TNFRSF10B: variants seen among roughly 807,000 people sequenced by gnomAD.
The protein encoded by TNFRSF10B is TNF receptor superfamily member 10b.
In TNFRSF10B, 35 loss-of-function variants were observed where a neutral mutation model predicts 41.4. The ratio of observed to expected loss-of-function variants is 0.85; its 90% CI spans 0.65 to 1.12. TNFRSF10B has a LOEUF of 1.12. Ranked by LOEUF, TNFRSF10B falls within the 50% of genes most tolerant of loss-of-function variation. TNFRSF10B has a pLI of 0.00. For synonymous variants in TNFRSF10B, 230 were observed against 215.5 expected, an observed-to-expected ratio of 1.07 and a Z score of -0.59; for missense variants, 584 against 552.7, an observed-to-expected ratio of 1.06 and a Z score of -0.57.
intron 1 of TNFRSF10B, among the ~76,000 whole-genome samples, chr8:23,067,738 C>G (rs906388045): frequency 6.6e-6 from 1 of 152,174 alleles, no homozygotes; most frequent in Non-Finnish European, 1.5e-5. Flanking sequence ...CCATGAAACT[C>G]CAATGCTTCA....
chr8:23,027,131 A>C lies in TNFRSF10B; in HGVS notation c.936+2T>G. ...AAACAAAATGATCTGTCCCCCACTC[A>C]CCAGCAGATGCTCTGACTCCCCGGG... On this transcript the variant is annotated splice_donor_variant, in intron 7 of 8. Transcript: ENST00000276431. LOFTEE classifies it high-confidence loss of function. 6.2e-7 allele frequency: 1 copy of C among 1,613,844 alleles called. No homozygotes were observed. Among genetic ancestry groups the C allele is most frequent in the South Asian group, 1.1e-5 (1 of 91,056 alleles).
chr8:23,053,150 G>A (rs943331989), intron 1 of TNFRSF10B, among the ~76,000 whole-genome samples: 13 of 152,186 alleles, frequency 8.5e-5, no homozygotes, highest in Non-Finnish European at 1.5e-4. Context: ...ACTCTTAGCT[G>A]TACAACTTGC....
At chr8:23,038,298 G>C (rs948267095) in intron 2 of TNFRSF10B, among the ~76,000 whole-genome samples, 2 of 152,170 alleles carry the variant, frequency 1.3e-5, no homozygotes, top group Non-Finnish European at 2.9e-5. Context: ...ATAAAGGTTA[G>C]TTCACTCTAC....
chr8:23,056,169 A>G (rs922591258), intron 1 of TNFRSF10B, among the ~76,000 whole-genome samples: 1 of 152,180 alleles, frequency 6.6e-6, no homozygotes, highest in Non-Finnish European at 1.5e-5. Flanking sequence ...GTATGTATCC[A>G]AAAGAACTGA....
At chr8:23,031,561 G>A (rs188955347) in intron 2 of TNFRSF10B, among the ~76,000 whole-genome samples, 1 of 151,732 alleles carries the variant, frequency 6.6e-6, no homozygotes, top group Non-Finnish European at 1.5e-5. Context: ...TTAATTTTTA[G>A]TGTACTTTTT....
In TNFRSF10B at chr8:23,021,330, T is replaced by G; in HGVS notation, c.*1341A>C. On this transcript the variant is annotated 3_prime_UTR_variant, in exon 9 of 9. Transcript: ENST00000276431. ...GCGGCCAAGGTCCTCAAGTAGGCAATCTGTACCCTAAAAGGCAGCTCATGG... is the reference window on the plus strand; with the variant it reads ...GCGGCCAAGGTCCTCAAGTAGGCAAGCTGTACCCTAAAAGGCAGCTCATGG... 2.2e-6 allele frequency: 1 copy of G among 454,098 alleles called. No homozygotes were observed. Among genetic ancestry groups the G allele is most frequent in the Non-Finnish European group, 4.4e-6 (1 of 226,798 alleles). The allele number at this position is 454,098 out of a possible 1,614,324, so 28.1% of individuals were successfully genotyped here. A position where few individuals can be genotyped will look rare whatever the true frequency, so the allele number is the denominator to read the frequency against.
chr8:23,031,295 C>T (rs1811876301), intron 2 of TNFRSF10B, among the ~76,000 whole-genome samples: 1 of 152,202 alleles, frequency 6.6e-6, no homozygotes, highest in African/African-American at 2.4e-5. Flanking sequence ...CCAGGCTAGT[C>T]TCGATCTCCT....
chr8:23,045,708 A>C (rs1449281550), intron 1 of TNFRSF10B, among the ~76,000 whole-genome samples: 2 of 152,264 alleles, frequency 1.3e-5, no homozygotes. Flanking sequence ...AGTAGACCAA[A>C]TTCAATAGCT....
At chr8:23,027,561 A>G (rs1301197999) in intron 6 of TNFRSF10B, 161 bp downstream of exon 6, 3 of 970,052 alleles carry the variant, frequency 3.1e-6, no homozygotes, top group Non-Finnish European at 3.1e-6. Flanking sequence ...GTGGTGCTCA[A>G]AATGGCCATG....
At chr8:23,049,227 G>C (rs1233853889) in intron 1 of TNFRSF10B, among the ~76,000 whole-genome samples, 1 of 152,078 alleles carries the variant, frequency 6.6e-6, no homozygotes, top group Non-Finnish European at 1.5e-5. Context: ...AATATTAAAA[G>C]CTAAAAAAAG....
At position 23,043,250 on chromosome 8, in the gene TNFRSF10B, G is replaced by T; in HGVS notation, c.145-7C>A. On this transcript the variant is annotated splice_polypyrimidine_tract_variant and splice_region_variant and intron_variant, in intron 1 of 8. Coordinates refer to ENST00000276431, the MANE Select transcript of TNFRSF10B (RefSeq NM_003842.5). ...GAGCAGACTCAGCTGAGACCTGTGG[G>T]GACAAAGCAGGGATGGGCATGAGTG... 1.2e-6 allele frequency: 2 copies of T among 1,613,150 alleles called. No individual in the cohort carries two copies. The highest frequency in any genetic ancestry group is 1.7e-6 in the Non-Finnish European group (2 of 1,179,320).
At chr8:23,047,240 C>T (rs1290530763) in intron 1 of TNFRSF10B, among the ~76,000 whole-genome samples, 2 of 151,770 alleles carry the variant, frequency 1.3e-5, no homozygotes, top group African/African-American at 2.4e-5. Flanking sequence ...ACCGGTAATC[C>T]CAGCTACTCA....
intron 7 of TNFRSF10B, among the ~76,000 whole-genome samples, chr8:23,024,962 C>T (rs1345062531): frequency 5.3e-5 from 8 of 151,856 alleles, no homozygotes; most frequent in African/African-American, 1.7e-4. Context: ...GGCGACATAG[C>T]GAGATCCTGT....
At chr8:23,068,466 T>A in intron 1 of TNFRSF10B, 1 of 531,990 alleles carries the variant, frequency 1.9e-6, no homozygotes, top group East Asian at 3.3e-5. Flanking sequence ...TCTCCGTGGC[T>A]TCACGCAGCT....
intron 1 of TNFRSF10B, among the ~76,000 whole-genome samples, chr8:23,063,933 T>G (rs990212567): frequency 4.6e-5 from 7 of 152,196 alleles, no homozygotes; most frequent in African/African-American, 1.7e-4. Flanking sequence ...TTTAACACAC[T>G]CTATGAGCAG....
chr8:23,065,934 A>C (rs1812967811), intron 1 of TNFRSF10B, among the ~76,000 whole-genome samples: 1 of 152,234 alleles, frequency 6.6e-6, no homozygotes, highest in African/African-American at 2.4e-5. Context: ...GGTCATCTAA[A>C]GCTTACAAAT....
intron 1 of TNFRSF10B, among the ~76,000 whole-genome samples, chr8:23,044,666 C>T (rs901388531): frequency 6.6e-6 from 1 of 151,762 alleles, no homozygotes; most frequent in African/African-American, 2.4e-5. Context: ...CAATAAACGC[C>T]TACATCAAAA....
At chr8:23,063,264 C>A (rs757450603) in intron 1 of TNFRSF10B, among the ~76,000 whole-genome samples, 1 of 151,238 alleles carries the variant, frequency 6.6e-6, no homozygotes, top group Non-Finnish European at 1.5e-5. Flanking sequence ...AGGAGAATCG[C>A]TTGAACCCAG....
At chr8:23,029,008 C>T (rs1811799326) in intron 4 of TNFRSF10B, among the ~76,000 whole-genome samples, 1 of 152,196 alleles carries the variant, frequency 6.6e-6, no homozygotes, top group South Asian at 2.1e-4. Context: ...TGCCCATTTC[C>T]CCCAATCACA....
Sources: gnomAD v4.1 joint callset for allele counts (sites outside exome capture counted in the v4.1 genomes callset) on GRCh38, gnomAD v4.1.1 for gene constraint, MANE v1.5 for transcripts, NCBI Gene and HGNC (gene_info 2026-07-23, HGNC 2026-07-21) for gene names.